MAD1L1: variants seen among roughly 807,000 people sequenced by gnomAD.
MAD1L1 encodes the protein mitotic spindle assembly checkpoint protein MAD1.
Under a neutral mutation model 96.9 loss-of-function variants are expected in MAD1L1, and 95 were observed. The ratio of observed to expected loss-of-function variants is 0.98; its 90% CI spans 0.83 to 1.16. The LOEUF is 1.16. Among genes scored for constraint, MAD1L1 ranks in the 50% most tolerant of loss-of-function variants. The pLI, the probability that MAD1L1 is intolerant of heterozygous loss-of-function variation, is 0.00. For synonymous variants in MAD1L1, 473 were observed against 396.6 expected (o/e 1.19, Z -2.29); for missense variants, 1,007 against 954.4 (o/e 1.06, Z -0.73).
At chr7:1,989,502 G>A (rs1443105000) in intron 14 of MAD1L1, among the ~76,000 whole-genome samples, 1 of 152,260 alleles carries the variant, frequency 6.6e-6, no homozygotes, top group East Asian at 1.9e-4. Flanking sequence ...GCCCTCGGCG[G>A]CGGGAGCCGC....
chr7:2,044,874 G>A (rs1783850612), intron 12 of MAD1L1, among the ~76,000 whole-genome samples: 1 of 152,138 alleles, frequency 6.6e-6, no homozygotes, highest in Non-Finnish European at 1.5e-5. Context: ...AGACAGGGGA[G>A]CCCAGGGGAG....
chr7:1,859,491 C>T (rs958495698), intron 18 of MAD1L1, among the ~76,000 whole-genome samples: 3 of 152,188 alleles, frequency 2.0e-5, no homozygotes, highest in South Asian at 2.1e-4. Context: ...GGCTGCGAGG[C>T]GGAGCGCATC....
chr7:1,943,159 T>A (rs190223506), intron 16 of MAD1L1, among the ~76,000 whole-genome samples: 2 of 152,268 alleles, frequency 1.3e-5, no homozygotes, highest in East Asian at 3.9e-4. Context: ...AGCCCAACCG[T>A]AAAACCTGTG....
intron 11 of MAD1L1, among the ~76,000 whole-genome samples, chr7:2,117,149 C>A (rs373073633): frequency 2.6e-5 from 4 of 152,210 alleles, no homozygotes; most frequent in African/African-American, 9.6e-5. Flanking sequence ...GAGTCTCCTG[C>A]AACATCCACG....
chr7:2,042,899 ACGTC>A (rs1783753795), intron 12 of MAD1L1, among the ~76,000 whole-genome samples: 2 of 145,876 alleles, frequency 1.4e-5, no homozygotes, highest in South Asian at 2.1e-4. Flanking sequence ...GTCCACGTCC[ACGTC>A]CACATCCACG....
At chr7:1,872,014 G>A (rs1258085830) in intron 18 of MAD1L1, among the ~76,000 whole-genome samples, 1 of 152,196 alleles carries the variant, frequency 6.6e-6, no homozygotes, top group Non-Finnish European at 1.5e-5. Context: ...AGGCTCTGCT[G>A]TGTTCCAGCA....
chr7:2,052,577 A>C (rs954268919), intron 12 of MAD1L1, among the ~76,000 whole-genome samples: 1 of 152,176 alleles, frequency 6.6e-6, no homozygotes, highest in African/African-American at 2.4e-5. Context: ...ATACAGTGGA[A>C]ACCCTACTTA....
At chr7:2,037,085 G>A (rs1482455969) in intron 12 of MAD1L1, among the ~76,000 whole-genome samples, 2 of 152,124 alleles carry the variant, frequency 1.3e-5, no homozygotes, top group Non-Finnish European at 2.9e-5. Flanking sequence ...ACGCGCCCAC[G>A]AAGGTGTCCA....
chr7:1,937,600 C>G (rs977758427), intron 16 of MAD1L1, among the ~76,000 whole-genome samples: 1 of 151,662 alleles, frequency 6.6e-6, no homozygotes, highest in Non-Finnish European at 1.5e-5. Flanking sequence ...CAGGGAACAG[C>G]CGCCCACAGC....
chr7:2,008,320 G>C lies in MAD1L1; in HGVS notation c.1359+6182C>G, dbSNP rs552109789. 2.1e-3 allele frequency among the ~76,000 whole-genome samples: 314 copies of C among 152,326 alleles called. 1 individual carries two copies. Among genetic ancestry groups the C allele is most frequent in the Non-Finnish European group, 3.8e-3 (257 of 68,030 alleles). On this transcript the variant is annotated intron_variant, in intron 13 of 18. Coordinates refer to ENST00000265854, the MANE Select transcript of MAD1L1 (RefSeq NM_001013836.2). ...ACCGCATCTGTGATGGAGGCAGTGG[G>C]TGGGCGGCAGAGCACCCCCTGTGGA...
At chr7:1,873,011 G>A (rs1178833885) in intron 18 of MAD1L1, among the ~76,000 whole-genome samples, 2 of 152,244 alleles carry the variant, frequency 1.3e-5, no homozygotes, top group Admixed American at 1.3e-4. Flanking sequence ...TTTATCCCCA[G>A]GTGAGAAACG....
intron 15 of MAD1L1, among the ~76,000 whole-genome samples, chr7:1,967,676 C>T (rs752682759): frequency 2.1e-4 from 32 of 152,262 alleles, no homozygotes; most frequent in African/African-American, 7.5e-4. Context: ...GCAGAGGACA[C>T]GAGGTGAGTC....
chr7:2,221,551 G>A (rs1240459299), intron 5 of MAD1L1, among the ~76,000 whole-genome samples: 1 of 151,366 alleles, frequency 6.6e-6, no homozygotes, highest in Non-Finnish European at 1.5e-5. Context: ...TTTCCTCTTG[G>A]CACCAGCGAT....
chr7:1,853,797 C>T (rs1176240908), intron 18 of MAD1L1, among the ~76,000 whole-genome samples: 1 of 152,128 alleles, frequency 6.6e-6, no homozygotes, highest in Admixed American at 6.5e-5. Flanking sequence ...TGCACCCCCT[C>T]CCAACCTACG....
chr7:2,079,772 A>G (rs1785547096), intron 11 of MAD1L1: 2 of 470,626 alleles, frequency 4.2e-6, no homozygotes, highest in Non-Finnish European at 8.8e-6. Context: ...GGGAGACCAT[A>G]AATTCACTTC....
At chr7:2,159,602 C>T (rs549620054) in intron 10 of MAD1L1, among the ~76,000 whole-genome samples, 1 of 152,112 alleles carries the variant, frequency 6.6e-6, no homozygotes, top group Non-Finnish European at 1.5e-5. Context: ...TTTCCACTGG[C>T]CCAATAATAC....
chr7:2,116,296 A>G (rs1170749042), intron 11 of MAD1L1, among the ~76,000 whole-genome samples: 1 of 152,190 alleles, frequency 6.6e-6, no homozygotes, highest in Non-Finnish European at 1.5e-5. Context: ...CGGGAGGACG[A>G]ACAAGACTCA....
chr7:2,165,221 GA>G lies in MAD1L1; in HGVS notation c.987-15984del, dbSNP rs549241434. Among the ~76,000 whole-genome samples, 770 of 151,488 alleles carry G rather than the reference GA, an allele frequency of 5.1e-3. 8 individuals carry two copies. Among genetic ancestry groups the G allele is most frequent in the African/African-American group, 0.016 (646 of 41,300 alleles). On this transcript the variant is annotated intron_variant, in intron 10 of 18. Transcript: ENST00000265854. ...TCCATCTCAAAAAAAAAAAGAAAAA[GA>G]AAAAAAATAGAAAGGGAAGAATTTA...
chr7:2,197,728 C>T (rs1281720046), intron 10 of MAD1L1, among the ~76,000 whole-genome samples: 2 of 152,230 alleles, frequency 1.3e-5, no homozygotes, highest in East Asian at 3.8e-4. Flanking sequence ...CATCCCTGCC[C>T]CTCACTGGGC....
Sources: gnomAD v4.1 joint callset for allele counts (sites outside exome capture counted in the v4.1 genomes callset) on GRCh38, gnomAD v4.1.1 for gene constraint, MANE v1.5 for transcripts, NCBI Gene and HGNC (gene_info 2026-07-23, HGNC 2026-07-21) for gene names.